Variants in PATJ observed in about 807,000 individuals in gnomAD.
PATJ encodes the protein PATJ crumbs cell polarity complex component.
PATJ carries 190 observed loss-of-function variants against 224.9 expected under a neutral mutation model. The ratio of observed to expected loss-of-function variants is 0.84; its 90% confidence interval spans 0.75 to 0.95. The LOEUF is 0.95. Among genes scored for constraint, PATJ ranks in the 40% least tolerant of loss-of-function variants. The pLI, the probability that PATJ is intolerant of heterozygous loss-of-function variation, is 0.00. For missense variants in PATJ, 2,121 were observed against 2,270.3 expected, an observed-to-expected ratio of 0.93 and a Z score of 1.34; for synonymous variants, 769 against 820.3, an observed-to-expected ratio of 0.94 and a Z score of 1.07.
chr1:62,093,632 A>G (rs1348444310), intron 33 of PATJ, among the ~76,000 whole-genome samples: 1 of 152,222 alleles, frequency 6.6e-6, no homozygotes, highest in Non-Finnish European at 1.5e-5. Context: ...AAAGAATGTT[A>G]ATGAATAGTA....
chr1:62,075,353 A>G (rs968103995), intron 31 of PATJ, among the ~76,000 whole-genome samples: 1 of 152,236 alleles, frequency 6.6e-6, no homozygotes. Flanking sequence ...GATATGTTCT[A>G]AAAGGACATA....
intron 17 of PATJ, among the ~76,000 whole-genome samples, chr1:61,853,499 C>G (rs1663161169): frequency 6.6e-6 from 1 of 152,160 alleles, no homozygotes; most frequent in Non-Finnish European, 1.5e-5. Flanking sequence ...CTGGGCAGTT[C>G]ATGAGAGGAA....
At chr1:61,938,211 G>A (rs1389491719) in intron 27 of PATJ, among the ~76,000 whole-genome samples, 2 of 152,206 alleles carry the variant, frequency 1.3e-5, no homozygotes, top group African/African-American at 4.8e-5. Context: ...ACCTTGCCAA[G>A]TGGCCCCTGG....
intron 31 of PATJ, among the ~76,000 whole-genome samples, chr1:62,065,256 G>C (rs914884913): frequency 1.3e-5 from 2 of 152,142 alleles, no homozygotes; most frequent in African/African-American, 4.8e-5. Context: ...CAGGGTAACA[G>C]AGCAAGTAAC....
intron 30 of PATJ, among the ~76,000 whole-genome samples, chr1:62,045,788 C>T (rs1165811635): frequency 1.3e-5 from 2 of 152,160 alleles, no homozygotes; most frequent in African/African-American, 2.4e-5. Flanking sequence ...TTAGAAATCA[C>T]GCTGCTGACC....
intron 17 of PATJ, among the ~76,000 whole-genome samples, chr1:61,853,059 G>A (rs1046347203): frequency 3.9e-5 from 6 of 152,156 alleles, no homozygotes; most frequent in Admixed American, 6.5e-5. Context: ...AGGAAAAGGG[G>A]TGGTAGATTG....
At chr1:62,144,771 A>ACATATATATATATATAT (rs1439255158) in intron 41 of PATJ, among the ~76,000 whole-genome samples, 6 of 73,348 alleles carry the variant, frequency 8.2e-5, no homozygotes, top group African/African-American at 3.1e-4. Flanking sequence ...ATTTGCAAAA[A>ACATATATATATATATAT]AAAAAAATAT....
At chr1:61,864,730 A>T (rs908652495) in intron 20 of PATJ, 97 bp downstream of exon 20, 1 of 1,135,230 alleles carries the variant, frequency 8.8e-7, no homozygotes, top group African/African-American at 1.5e-5. Context: ...TTGTTTTTAA[A>T]TGGGCCTTTC....
chr1:61,808,455 A>AT lies in PATJ; in HGVS notation c.1627-11dup, dbSNP rs753887228. The AT allele has an allele frequency of 5.0e-5, 77 of 1,541,816 alleles. No homozygotes were observed. The highest frequency in any genetic ancestry group is 3.3e-4 in the Middle Eastern group (2 of 5,978). ...AGTTATGCTTTTACAAATACTGGAA[A>AT]TTTTTTTTGTAAATTTAGGTTGCTA... On this transcript the variant is annotated intron_variant, in intron 13 of 43. Coordinates refer to ENST00000642238, the MANE Select transcript of PATJ (RefSeq NM_001350145.3).
At chr1:61,811,233 G>A (rs553219999) in intron 14 of PATJ, among the ~76,000 whole-genome samples, 1 of 152,134 alleles carries the variant, frequency 6.6e-6, no homozygotes, top group African/African-American at 2.4e-5. Flanking sequence ...CACATAGTAG[G>A]CTCTTGTTTT....
chr1:61,786,358 C>T (rs1310721750), intron 7 of PATJ, among the ~76,000 whole-genome samples: 1 of 151,930 alleles, frequency 6.6e-6, no homozygotes, highest in Non-Finnish European at 1.5e-5. Flanking sequence ...TGCTAATGAC[C>T]CGCAAGGTGT....
At chr1:61,976,116 C>T (rs11801995) in intron 27 of PATJ, among the ~76,000 whole-genome samples, 40,089 of 151,770 alleles carry the variant, frequency 0.26, 6,231 homozygotes, top group African/African-American at 0.41. Flanking sequence ...ATTGCCTATA[C>T]GTGTTCCATG....
intron 18 of PATJ, among the ~76,000 whole-genome samples, chr1:61,857,127 C>A (rs1663817073): frequency 1.3e-5 from 2 of 152,128 alleles, no homozygotes; most frequent in Admixed American, 6.6e-5. Context: ...CAGGTTACTG[C>A]TTATGACTGA....
At chr1:62,092,691 C>A (rs934280396) in intron 33 of PATJ, among the ~76,000 whole-genome samples, 2 of 152,054 alleles carry the variant, frequency 1.3e-5, no homozygotes, top group African/African-American at 4.8e-5. Context: ...ACAGGGATTA[C>A]AGGTGTGAGC....
At chr1:61,871,474 C>CAT (rs1234484920) in intron 20 of PATJ, among the ~76,000 whole-genome samples, 2 of 50,082 alleles carry the variant, frequency 4.0e-5, no homozygotes, top group Non-Finnish European at 9.3e-5. Flanking sequence ...TATGTATATA[C>CAT]ATATATATGT....
chr1:61,766,035 C>T (rs1646251982), intron 3 of PATJ, among the ~76,000 whole-genome samples: 1 of 152,104 alleles, frequency 6.6e-6, no homozygotes. Context: ...ATGCTGTTAA[C>T]TTGGACTAGT....
intron 27 of PATJ, among the ~76,000 whole-genome samples, chr1:61,928,309 A>G (rs1675528121): frequency 6.6e-6 from 1 of 152,208 alleles, no homozygotes; most frequent in South Asian, 2.1e-4. Flanking sequence ...ACATATATTT[A>G]ACTGTGGCTT....
chr1:62,147,573 C>T (rs61777729), intron 41 of PATJ, among the ~76,000 whole-genome samples: 2,466 of 152,006 alleles, frequency 0.016, 22 homozygotes, highest in Non-Finnish European at 0.025. Flanking sequence ...CCAAGGTGGG[C>T]GGATCACCTG....
intron 29 of PATJ, among the ~76,000 whole-genome samples, chr1:62,033,445 C>T (rs1251328844): frequency 6.6e-6 from 1 of 152,134 alleles, no homozygotes; most frequent in Non-Finnish European, 1.5e-5. Flanking sequence ...AATTCTGAAC[C>T]CCTGTTTATC....
Sources: allele counts gnomAD v4.1 joint callset (sites outside exome capture counted in the v4.1 genomes callset), GRCh38; gene constraint gnomAD v4.1.1; transcripts MANE v1.5; gene names NCBI Gene and HGNC (gene_info 2026-07-23, HGNC 2026-07-21).